Variants in DYSF observed in about 807,000 individuals in gnomAD.
The protein encoded by DYSF is dystrophy-associated fer-1-like 1.
In DYSF, 212 loss-of-function variants were observed where a neutral mutation model predicts 274.9. The observed-to-expected ratio is 0.77, with a 90% CI of 0.69 to 0.86. DYSF has a LOEUF of 0.86. Ranked by LOEUF, DYSF falls within the 40% of genes least tolerant of loss-of-function variation. The pLI is 0.00. For missense variants in DYSF, 2,666 were observed against 2,783.2 expected (o/e 0.96, Z 0.95); for synonymous variants, 1,091 against 1,078.7 (o/e 1.01, Z -0.22).
intron 40 of DYSF, among the ~76,000 whole-genome samples, chr2:71,617,715 GGTGT>G (rs1351483083): frequency 1.9e-5 from 2 of 105,758 alleles, no homozygotes; most frequent in African/African-American, 6.6e-5. Flanking sequence ...GTAGAGGTGG[GGTGT>G]GTGTGTGGTA....
At chr2:71,499,662 C>A (rs2084775776) in intron 3 of DYSF, among the ~76,000 whole-genome samples, 1 of 152,230 alleles carries the variant, frequency 6.6e-6, no homozygotes, top group Non-Finnish European at 1.5e-5. Context: ...CCCTGTCAGA[C>A]CTCAAGCTGC....
chr2:71,544,763 C>T (rs759279384), intron 17 of DYSF, among the ~76,000 whole-genome samples: 20 of 152,308 alleles, frequency 1.3e-4, no homozygotes, highest in African/African-American at 1.9e-4. Flanking sequence ...TTAACTTAGA[C>T]TTCTAGCTGC....
rs550651582 is a variant in DYSF, at chr2:71,630,222, C to T, written c.4527+9613C>T. 5.3e-5 allele frequency among the ~76,000 whole-genome samples: 8 copies of T among 152,280 alleles called. No homozygotes were observed. The South Asian group carries it at 1.7e-3, about 32-fold the overall frequency. On this transcript the variant is annotated intron_variant, in intron 41 of 55. Transcript: ENST00000410020. The stretch of plus-strand genomic sequence containing the variant: ...AAATAGTTTAGATTTGCAGTAGTTT[C>T]ACTTTGCTGGTTAGAAATCCAGCAG...
At chr2:71,623,628 A>G (rs1193733790) in intron 41 of DYSF, among the ~76,000 whole-genome samples, 2 of 152,020 alleles carry the variant, frequency 1.3e-5, no homozygotes, top group East Asian at 3.9e-4. Context: ...ATTATCCAGG[A>G]TTTTTAGTTT....
chr2:71,513,011 G>C (rs1285333206), intron 5 of DYSF, among the ~76,000 whole-genome samples: 3 of 152,150 alleles, frequency 2.0e-5, no homozygotes, highest in Non-Finnish European at 4.4e-5. Context: ...ACTGTGTTGA[G>C]GTGGATCTGA....
At chr2:71,487,455 G>C (rs1293572367) in intron 3 of DYSF, among the ~76,000 whole-genome samples, 1 of 152,178 alleles carries the variant, frequency 6.6e-6, no homozygotes, top group Non-Finnish European at 1.5e-5. Flanking sequence ...GGATGGCAGG[G>C]GGGCAGTGTG....
At chr2:71,472,846 A>G (rs2082133931) in intron 1 of DYSF, among the ~76,000 whole-genome samples, 1 of 152,168 alleles carries the variant, frequency 6.6e-6, no homozygotes, top group African/African-American at 2.4e-5. Context: ...AGTGCTCTTT[A>G]TGTATTGAGA....
intron 7 of DYSF, among the ~76,000 whole-genome samples, chr2:71,514,147 T>TAAGA (rs2086407285): frequency 8.0e-6 from 1 of 125,190 alleles, no homozygotes; most frequent in Admixed American, 8.2e-5. Context: ...GTTTTGCGCT[T>TAAGA]AAAAAAAAAA....
intron 30 of DYSF, among the ~76,000 whole-genome samples, chr2:71,584,417 C>A (rs1435559501): frequency 6.6e-6 from 1 of 152,162 alleles, no homozygotes; most frequent in Non-Finnish European, 1.5e-5. Context: ...CTTCCAAAGG[C>A]CTACCCCATT....
At chr2:71,476,182 T>C (rs2082378535) in intron 1 of DYSF, among the ~76,000 whole-genome samples, 1 of 152,114 alleles carries the variant, frequency 6.6e-6, no homozygotes, top group African/African-American at 2.4e-5. Context: ...CTATCTGCCT[T>C]TTTTACTGTT....
Position 71,503,607 on chromosome 2 carries a change from C to T in DYSF, c.345+288C>T, listed in dbSNP as rs193150363. The stretch of plus-strand genomic sequence containing the variant: ...GCTGCCGGTCTGGCCACCTCCTGTC[C>T]CCAGCTTCCTGGTCAGCCTTGGCTA... On this transcript the variant is annotated intron_variant, in intron 4 of 55. Coordinates refer to ENST00000410020, the MANE Select transcript of DYSF (RefSeq NM_001130987.2). 9.8e-4 allele frequency among the ~76,000 whole-genome samples: 149 copies of T among 152,224 alleles called. 1 individual carries two copies. Among genetic ancestry groups the T allele is most frequent in the Non-Finnish European group, 1.7e-3 (117 of 67,996 alleles).
At chr2:71,535,460 G>A in intron 16 of DYSF, 149 bp downstream of exon 16, 1 of 866,124 alleles carries the variant, frequency 1.2e-6, no homozygotes, top group Non-Finnish European at 2.0e-6. Context: ...CAGGGATGGA[G>A]AGGGTGTGGG....
At chr2:71,644,091 G>GGT (rs766086487) in intron 42 of DYSF, 28 bp downstream of exon 42, 52 of 1,571,292 alleles carry the variant, frequency 3.3e-5, no homozygotes, top group Non-Finnish European at 4.0e-5. Flanking sequence ...TCTGACAGTC[G>GGT]GTGTGTGTGT....
intron 41 of DYSF, among the ~76,000 whole-genome samples, chr2:71,627,445 A>G (rs2094227414): frequency 6.6e-6 from 1 of 152,028 alleles, no homozygotes; most frequent in Admixed American, 6.6e-5. Flanking sequence ...TGGTCCAGAG[A>G]GTGTAGTCTG....
chr2:71,508,102 T>A (rs1244762982), intron 4 of DYSF, among the ~76,000 whole-genome samples: 1 of 152,224 alleles, frequency 6.6e-6, no homozygotes, highest in Non-Finnish European at 1.5e-5. Flanking sequence ...CTAAGGAGAT[T>A]CCTGTGGCTA....
chr2:71,668,041 G>C (rs891942351), intron 48 of DYSF, among the ~76,000 whole-genome samples: 10 of 152,164 alleles, frequency 6.6e-5, no homozygotes, highest in African/African-American at 2.4e-4. Context: ...ATGGTGACAG[G>C]GAGGGCTTCC....
intron 42 of DYSF, among the ~76,000 whole-genome samples, chr2:71,649,788 C>T (rs140758966): frequency 3.2e-4 from 48 of 152,296 alleles, no homozygotes; most frequent in African/African-American, 1.1e-3. Flanking sequence ...CTTGTCAATA[C>T]ATGTTACATC....
chr2:71,475,073 A>G (rs2082303251), intron 1 of DYSF, among the ~76,000 whole-genome samples: 1 of 152,204 alleles, frequency 6.6e-6, no homozygotes, highest in South Asian at 2.1e-4. Flanking sequence ...GTCACATAGT[A>G]GTGGCTGTTA....
intron 22 of DYSF, among the ~76,000 whole-genome samples, chr2:71,560,417 G>GCCCCAGCACAGGGCTCCGGCCCAGGCCTC (rs56170138): frequency 2.9e-5 from 4 of 138,784 alleles, no homozygotes; most frequent in Non-Finnish European, 6.2e-5. Context: ...TCCCAGGCAG[G>GCCCCAGCACAGGGCTCCGGCCCAGGCCTC]CCCCCGCCCC....
Sources: allele counts gnomAD v4.1 joint callset (sites outside exome capture counted in the v4.1 genomes callset), GRCh38; gene constraint gnomAD v4.1.1; transcripts MANE v1.5; gene names NCBI Gene and HGNC (gene_info 2026-07-23, HGNC 2026-07-21).